The following MYO16 variants were observed in gnomAD, a reference collection of about 807,000 sequenced individuals.
The protein encoded by MYO16 is myosin XVI.
A neutral mutation model predicts 205.3 loss-of-function variants in MYO16; 94 were observed. That is an observed-to-expected ratio of 0.46 (90% confidence interval 0.39 to 0.54). The LOEUF is 0.54. MYO16 is among the 20% of genes least tolerant of loss of function. MYO16 has a pLI of 0.00. For synonymous variants in MYO16, 988 were observed against 954.0 expected (o/e 1.04, Z -0.66); for missense variants, 2,315 against 2,387.5 (o/e 0.97, Z 0.63).
At chr13:109,030,085 A>C (rs1886500495) in intron 23 of MYO16, among the ~76,000 whole-genome samples, 1 of 151,760 alleles carries the variant, frequency 6.6e-6, no homozygotes, top group Non-Finnish European at 1.5e-5. Context: ...TCTAGATGGG[A>C]CTCTTAACAA....
the MYO16 span, among the ~76,000 whole-genome samples, chr13:108,524,628 T>A: frequency 5.3e-5 from 8 of 152,220 alleles, no homozygotes; most frequent in Non-Finnish European, 2.9e-5. Flanking sequence ...CTCATTTCTG[T>A]GTCTTTCTTT....
At chr13:108,910,717 T>C (rs1003654298) in intron 16 of MYO16, among the ~76,000 whole-genome samples, 2 of 152,202 alleles carry the variant, frequency 1.3e-5, no homozygotes, top group African/African-American at 4.8e-5. Context: ...CCTGGTTTAG[T>C]GTGTCTCTGC....
At chr13:108,797,550 A>G (rs1024522244) in intron 6 of MYO16, among the ~76,000 whole-genome samples, 4 of 152,222 alleles carry the variant, frequency 2.6e-5, no homozygotes, top group Non-Finnish European at 4.4e-5. Context: ...AGACTACCAA[A>G]TACTGCTGAG....
At chr13:108,788,809 G>T (rs1158332007) in intron 5 of MYO16, among the ~76,000 whole-genome samples, 2 of 152,056 alleles carry the variant, frequency 1.3e-5, no homozygotes, top group East Asian at 1.9e-4. Context: ...GACATTCGAT[G>T]ACCTTTGTGA....
At chr13:108,974,095 T>C (rs1884161254) in intron 20 of MYO16, among the ~76,000 whole-genome samples, 1 of 152,232 alleles carries the variant, frequency 6.6e-6, no homozygotes, top group African/African-American at 2.4e-5. Flanking sequence ...TTGGCTTACG[T>C]TCTCATTTCC....
At chr13:109,022,576 CAT>C (rs199834884) in intron 23 of MYO16, among the ~76,000 whole-genome samples, 2,200 of 89,400 alleles carry the variant, frequency 0.025, 33 homozygotes, top group Middle Eastern at 0.077. Flanking sequence ...CACATATAAA[CAT>C]ATGTATATAT....
At position 108,695,254 on chromosome 13, in the gene MYO16, C is replaced by T. The variant is rs1883048250; in HGVS notation, c.293-17407C>T. Among the ~76,000 whole-genome samples, 4 of 152,134 alleles carry T rather than the reference C, an allele frequency of 2.6e-5. No homozygotes were observed. The South Asian group carries it at 8.3e-4, about 32-fold the overall frequency. On this transcript the variant is annotated intron_variant, in intron 2 of 34. Transcript: ENST00000457511. The stretch of plus-strand genomic sequence containing the variant: ...ATTTTGCATGTGGATATCCAGTTGT[C>T]CCAGCACCACTTGTTGAAGACACAC...
chr13:109,015,319 A>C (rs1885767103), intron 22 of MYO16, among the ~76,000 whole-genome samples: 1 of 152,120 alleles, frequency 6.6e-6, no homozygotes, highest in South Asian at 2.1e-4. Context: ...AGCCCATTTG[A>C]TCATGGTGGA....
intron 28 of MYO16, among the ~76,000 whole-genome samples, chr13:109,115,682 G>GA (rs149839802): frequency 2.4e-4 from 36 of 150,094 alleles, no homozygotes; most frequent in South Asian, 4.2e-4. Context: ...CATTCCACAG[G>GA]AAAAAAAAAT....
At chr13:108,699,183 AC>A (rs1883206175) in intron 2 of MYO16, among the ~76,000 whole-genome samples, 1 of 151,056 alleles carries the variant, frequency 6.6e-6, no homozygotes, top group Admixed American at 6.6e-5. Context: ...CTATATACAC[AC>A]ATGTATATAT....
chr13:109,141,419 T>C lies in MYO16; in HGVS notation c.5164+43T>C, dbSNP rs755829977. 1.4e-5 allele frequency: 17 copies of C among 1,237,210 alleles called. No homozygotes were observed. Among genetic ancestry groups the C allele is most frequent in the Admixed American group, 9.8e-5 (3 of 30,670 alleles). The allele number at this position is 1,237,210 out of a possible 1,614,324, so 76.6% of individuals were successfully genotyped here. The stretch of plus-strand genomic sequence containing the variant: ...CCCCCCACTCCTTTTGCATGGACGC[T>C]GTGCTTGCGTGCACCTGTGTACATC... On this transcript the variant is annotated intron_variant, in intron 32 of 34. Coordinates refer to ENST00000457511, the MANE Select transcript of MYO16 (RefSeq NM_001198950.3). The surrounding 1 kb of genome is among the most constrained non-coding windows in gnomAD (Gnocchi z 4.1).
chr13:108,533,875 C>A, the MYO16 span, among the ~76,000 whole-genome samples: 1 of 152,068 alleles, frequency 6.6e-6, no homozygotes, highest in Admixed American at 6.6e-5. Context: ...ACATATATAG[C>A]ACCCTGCAAA....
intron 3 of MYO16, 91 bp from the exon 4 acceptor site, chr13:108,727,349 A>T: frequency 1.5e-6 from 2 of 1,365,960 alleles, no homozygotes; most frequent in Non-Finnish European, 2.0e-6. Flanking sequence ...CAAAATTGGT[A>T]TTGAAGTTTT....
intron 22 of MYO16, among the ~76,000 whole-genome samples, chr13:109,009,854 C>T (rs1885532500): frequency 6.6e-6 from 1 of 152,128 alleles, no homozygotes; most frequent in South Asian, 2.1e-4. Flanking sequence ...AATTACAGCC[C>T]TCTTCCTCCA....
At chr13:109,164,879 T>C (rs745853330) in intron 32 of MYO16, 22 bp from the exon 33 acceptor site, 2 of 1,474,272 alleles carry the variant, frequency 1.4e-6, no homozygotes, top group Middle Eastern at 1.9e-4. Flanking sequence ...AAAATAATTA[T>C]GTTTTCTAAA....
chr13:108,495,975 C>T, the MYO16 span, among the ~76,000 whole-genome samples: 5 of 152,188 alleles, frequency 3.3e-5, no homozygotes, highest in East Asian at 9.7e-4. Context: ...GGGAACGCGG[C>T]GGGGCAGCCT....
At chr13:108,814,966 G>A (rs1875483136) in intron 7 of MYO16, among the ~76,000 whole-genome samples, 1 of 152,094 alleles carries the variant, frequency 6.6e-6, no homozygotes, top group Non-Finnish European at 1.5e-5. Context: ...GCAAGGTTAG[G>A]AAAGGAGAAA....
intron 27 of MYO16, among the ~76,000 whole-genome samples, chr13:109,068,018 A>G (rs1049935405): frequency 6.6e-6 from 1 of 152,238 alleles, no homozygotes; most frequent in African/African-American, 2.4e-5. Flanking sequence ...ATATAATTCC[A>G]CTGAGCCAAC....
chr13:109,066,983 C>A (rs1418598207), intron 27 of MYO16, among the ~76,000 whole-genome samples: 1 of 152,162 alleles, frequency 6.6e-6, no homozygotes, highest in African/African-American at 2.4e-5. Context: ...TAACAGCATC[C>A]ACTCATTCGT....
Sources: allele counts gnomAD v4.1 joint callset (sites outside exome capture counted in the v4.1 genomes callset), GRCh38; gene constraint gnomAD v4.1.1; non-coding constraint Gnocchi (gnomAD v3.1); transcripts MANE v1.5; gene names NCBI Gene and HGNC (gene_info 2026-07-23, HGNC 2026-07-21).